Variants in SHISA9 observed in about 807,000 individuals in gnomAD.
The protein encoded by SHISA9 is shisa family member 9.
A neutral mutation model predicts 38.0 loss-of-function variants in SHISA9; 13 were observed. That is an observed-to-expected ratio of 0.34 (90% confidence interval 0.22 to 0.54). SHISA9 has a LOEUF of 0.54. SHISA9 is among the 20% of genes least tolerant of loss of function. The pLI, the probability that SHISA9 is intolerant of heterozygous loss-of-function variation, is 0.91. For missense variants in SHISA9, 538 were observed against 575.8 expected (o/e 0.93, Z 0.67); for synonymous variants, 275 against 242.0 (o/e 1.14, Z -1.27).
chr16:13,224,338 A>G (rs942580390), intron 4 of SHISA9, among the ~76,000 whole-genome samples: 1 of 152,192 alleles, frequency 6.6e-6, no homozygotes, highest in African/African-American at 2.4e-5. Context: ...ATTCTCAGAC[A>G]GGAAAATGGA....
chr16:13,551,751 G>A, the SHISA9 span, among the ~76,000 whole-genome samples: 47 of 152,258 alleles, frequency 3.1e-4, no homozygotes, highest in African/African-American at 9.1e-4. Flanking sequence ...TTGGTAGGCC[G>A]GGAGCGGTGG....
At chr16:13,190,334 C>G (rs2142040384) in intron 2 of SHISA9, among the ~76,000 whole-genome samples, 1 of 151,686 alleles carries the variant, frequency 6.6e-6, no homozygotes, top group East Asian at 1.9e-4. Context: ...TGCAAAACAC[C>G]CTTTAGTCTT....
At chr16:12,979,412 A>G (rs942424871) in intron 2 of SHISA9, among the ~76,000 whole-genome samples, 3 of 151,572 alleles carry the variant, frequency 2.0e-5, no homozygotes, top group African/African-American at 4.9e-5. Flanking sequence ...AGTTAATTAT[A>G]TTTAATAGTT....
intron 4 of SHISA9, among the ~76,000 whole-genome samples, 155 bp downstream of exon 4, chr16:13,213,455 GGTGTTTGT>G (rs1015658699): frequency 6.6e-6 from 1 of 152,072 alleles, no homozygotes; most frequent in Non-Finnish European, 1.5e-5. Flanking sequence ...CCAGTGTGTA[GGTGTTTGT>G]GTGTTTGTGT....
In SHISA9 at chr16:12,968,067, G is replaced by A. The variant is rs145008352; in HGVS notation, c.691+51252G>A. 2.1e-3 allele frequency among the ~76,000 whole-genome samples: 319 copies of A among 152,024 alleles called. 1 individual carries two copies. Among genetic ancestry groups the A allele is most frequent in the African/African-American group, 7.5e-3 (309 of 41,446 alleles). Reference sequence around the variant, plus strand: ...TAGCCGGATGTGGTGGCACATGCTTGTAATCCCAGTTACTTGGGAGGCTGA... The same window carrying A: ...TAGCCGGATGTGGTGGCACATGCTTATAATCCCAGTTACTTGGGAGGCTGA... On this transcript the variant is annotated intron_variant, in intron 2 of 4. Coordinates refer to ENST00000558583, the MANE Select transcript of SHISA9 (RefSeq NM_001145204.3).
rs905571826 is a variant in SHISA9, at chr16:13,235,504, G to A, written c.*95G>A. 7 of 1,361,536 alleles carry A rather than the reference G, an allele frequency of 5.1e-6. No individual in the cohort carries two copies. The highest frequency in any genetic ancestry group is 6.8e-6 in the Non-Finnish European group (7 of 1,026,666). 84.3% of individuals were successfully genotyped at this position (1,361,536 alleles called of 1,614,324 possible). ...CCCTCCCCATCCTCCCCTAATACAT[G>A]CGTCCACACACTCACTCTCAACAAG... is the stretch of plus-strand genomic sequence containing the variant. On this transcript the variant is annotated 3_prime_UTR_variant, in exon 5 of 5. Transcript: ENST00000558583.
At chr16:13,535,759 A>G in the SHISA9 span, among the ~76,000 whole-genome samples, 5 of 152,164 alleles carry the variant, frequency 3.3e-5, no homozygotes, top group South Asian at 1.0e-3. Context: ...AAGCCAGAAT[A>G]ATGTTCTTAG....
the SHISA9 span, among the ~76,000 whole-genome samples, chr16:13,517,278 C>T: frequency 6.6e-6 from 1 of 152,090 alleles, no homozygotes; most frequent in African/African-American, 2.4e-5. Flanking sequence ...TCAGCGGGTC[C>T]AAAAGGAACT....
the SHISA9 span, among the ~76,000 whole-genome samples, chr16:13,431,544 A>G: frequency 6.6e-6 from 1 of 152,126 alleles, no homozygotes; most frequent in Non-Finnish European, 1.5e-5. Context: ...ACAAACAAAC[A>G]TTTGGTCCAC....
the SHISA9 span, among the ~76,000 whole-genome samples, chr16:13,280,607 A>G: frequency 6.6e-6 from 1 of 151,820 alleles, no homozygotes; most frequent in Non-Finnish European, 1.5e-5. Context: ...TGTTCTAGAT[A>G]TCTTACTGTT....
chr16:13,027,826 C>G (rs1256372948), intron 2 of SHISA9, among the ~76,000 whole-genome samples: 1 of 146,750 alleles, frequency 6.8e-6, no homozygotes, highest in Non-Finnish European at 1.5e-5. Flanking sequence ...GCTTGGGAGG[C>G]TTAGACAGTA....
the SHISA9 span, among the ~76,000 whole-genome samples, chr16:13,298,653 C>T: frequency 1.3e-5 from 2 of 152,192 alleles, no homozygotes; most frequent in Non-Finnish European, 2.9e-5. Flanking sequence ...CATCACCATG[C>T]AGTGTTGCCT....
chr16:13,123,521 C>T (rs577771656), intron 2 of SHISA9, among the ~76,000 whole-genome samples: 60 of 152,290 alleles, frequency 3.9e-4, no homozygotes, highest in African/African-American at 1.3e-3. Context: ...TTCTAAGTAA[C>T]ACAGGAAGAA....
chr16:12,985,707 T>C (rs1199833489), intron 2 of SHISA9, among the ~76,000 whole-genome samples: 1 of 152,190 alleles, frequency 6.6e-6, no homozygotes, highest in Non-Finnish European at 1.5e-5. Flanking sequence ...AATGTTGGCC[T>C]TACACCCAGA....
chr16:13,520,392 G>C, the SHISA9 span, among the ~76,000 whole-genome samples: 1 of 151,920 alleles, frequency 6.6e-6, no homozygotes, highest in Non-Finnish European at 1.5e-5. Context: ...GAGGTTGAGA[G>C]ATCGAGACCA....
the SHISA9 span, among the ~76,000 whole-genome samples, chr16:13,318,691 C>G: frequency 6.6e-6 from 1 of 152,178 alleles, no homozygotes; most frequent in Non-Finnish European, 1.5e-5. Flanking sequence ...GGTGGATCAA[C>G]ATAAGCTCCA....
Position 12,970,370 on chromosome 16 carries a change from C to CATATATGTGTATAT in SHISA9, c.691+53561_691+53562insGTGTATATATATAT, listed in dbSNP as rs1378598570. Among the ~76,000 whole-genome samples the CATATATGTGTATAT allele has an allele frequency of 1.1e-3, 64 of 55,686 alleles. 1 individual carries two copies. The highest frequency in any genetic ancestry group is 3.3e-4 in the Non-Finnish European group (10 of 30,624). The allele number at this position is 55,686 out of a possible 152,430, so 36.5% of individuals were successfully genotyped here. ...ATATATGTGTATATATATATATATA[C>CATATATGTGTATAT]ATATATATATACATATATGTATATA... On this transcript the variant is annotated intron_variant, in intron 2 of 4. Transcript: ENST00000558583.
At chr16:13,204,459 C>A (rs2051044097) in intron 3 of SHISA9, among the ~76,000 whole-genome samples, 1 of 152,168 alleles carries the variant, frequency 6.6e-6, no homozygotes. Context: ...TTACCATCTC[C>A]ATCTACCCTA....
chr16:12,946,735 A>T (rs2071693161), intron 2 of SHISA9, among the ~76,000 whole-genome samples: 1 of 152,102 alleles, frequency 6.6e-6, no homozygotes, highest in Admixed American at 6.5e-5. Context: ...GCCATGGCGG[A>T]GAAGGGGGCA....
Sources: gnomAD v4.1 joint callset for allele counts (sites outside exome capture counted in the v4.1 genomes callset) on GRCh38, gnomAD v4.1.1 for gene constraint, MANE v1.5 for transcripts, NCBI Gene and HGNC (gene_info 2026-07-23, HGNC 2026-07-21) for gene names.